The following KCNMB1 variants were observed in gnomAD, a reference collection of about 807,000 sequenced individuals.
The protein encoded by KCNMB1 is potassium calcium-activated channel subfamily M regulatory beta subunit 1.
In KCNMB1, 22 loss-of-function variants were observed where a neutral mutation model predicts 21.7. The ratio of observed to expected loss-of-function variants is 1.01; its 90% CI spans 0.72 to 1.45. The LOEUF is 1.45. Ranked by LOEUF, KCNMB1 falls within the 40% of genes most tolerant of loss-of-function variation. KCNMB1 has a pLI of 0.00. For missense variants in KCNMB1, 243 were observed against 243.4 expected, an observed-to-expected ratio of 1.00 and a Z score of 0.01; for synonymous variants, 114 against 107.6, an observed-to-expected ratio of 1.06 and a Z score of -0.37.
chr5:170,382,897 C>T (rs76888257), intron 3 of KCNMB1: 13,734 of 144,908 alleles, frequency 0.095, 702 homozygotes, highest in Admixed American at 0.14. Flanking sequence ...AGGAGGTGCT[C>T]AATGGCTGTT....
At chr5:170,387,254 G>A (rs139024861) in intron 1 of KCNMB1, among the ~76,000 whole-genome samples, 1 of 152,278 alleles carries the variant, frequency 6.6e-6, no homozygotes, top group African/African-American at 2.4e-5. Context: ...GGTCCCTAAA[G>A]TAATAAACAT....
At position 170,375,035 on chromosome 5, in the gene KCNMB1, T is replaced by C. The variant is rs1485980361; in HGVS notation, c.*3669A>G. The C allele has an allele frequency of 1.3e-5, 2 of 152,196 alleles. No homozygotes were observed. Among genetic ancestry groups the C allele is most frequent in the Non-Finnish European group, 2.9e-5 (2 of 68,038 alleles). The allele number at this position is 152,196 out of a possible 1,614,324, so 9.4% of individuals were successfully genotyped here. ...TGTGTATTTTAGTCCCAAATTCAGG[T>C]GCATGGAAACCATTGACAAAATAGA... On this transcript the variant is annotated 3_prime_UTR_variant, in exon 4 of 4. Transcript: ENST00000274629.
intron 2 of KCNMB1, among the ~76,000 whole-genome samples, chr5:170,384,608 A>AG (rs1764389820): frequency 6.6e-6 from 1 of 152,210 alleles, no homozygotes; most frequent in Non-Finnish European, 1.5e-5. Context: ...GCCAGTCAGA[A>AG]GGGGGCTGTC....
At position 170,375,822 on chromosome 5, in the gene KCNMB1, G is replaced by A. The variant is rs549018402; in HGVS notation, c.*2882C>T. On this transcript the variant is annotated 3_prime_UTR_variant, in exon 4 of 4. Transcript: ENST00000274629. ...AAATTTACATAAAAATTTGTTTCAT[G>A]CCAAAACTCTATGGAAAGATACTAT... is the stretch of plus-strand genomic sequence containing the variant. 1.3e-5 allele frequency: 2 copies of A among 152,326 alleles called. No homozygotes were observed. Among genetic ancestry groups the A allele is most frequent in the Non-Finnish European group, 2.9e-5 (2 of 68,032 alleles). 9.4% of individuals were successfully genotyped at this position (152,326 alleles called of 1,614,324 possible).
At position 170,378,143 on chromosome 5, in the gene KCNMB1, CAT is replaced by C. The variant is rs1327360530; in HGVS notation, c.*559_*560del. The C allele has an allele frequency of 6.6e-6, 1 of 152,298 alleles. No homozygotes were observed. The highest frequency in any genetic ancestry group is 1.5e-5 in the Non-Finnish European group (1 of 68,112). 9.4% of individuals were successfully genotyped at this position (152,298 alleles called of 1,614,324 possible). ...CACCGCTAAAATTTTGATGAGTTCT[CAT>C]GTGTTTCCTTGCAGCTGATTGTTGT... is the stretch of plus-strand genomic sequence containing the variant. On this transcript the variant is annotated 3_prime_UTR_variant, in exon 4 of 4. Transcript: ENST00000274629.
chr5:170,374,889 C>A lies in KCNMB1; in HGVS notation c.*3815G>T, dbSNP rs1304668969. The A allele has an allele frequency of 6.6e-6, 1 of 152,144 alleles. No individual in the cohort carries two copies. Among genetic ancestry groups the A allele is most frequent in the Admixed American group, 6.5e-5 (1 of 15,276 alleles). The allele number at this position is 152,144 out of a possible 1,614,324, so 9.4% of individuals were successfully genotyped here. On this transcript the variant is annotated 3_prime_UTR_variant, in exon 4 of 4. Transcript: ENST00000274629. ...ACAGGAGGAGAACATCTATCTCAAG[C>A]AAATGAAGGTCATCATTAATAATTT...
At chr5:170,388,496 G>A (rs1308082895) in intron 1 of KCNMB1, among the ~76,000 whole-genome samples, 1 of 152,230 alleles carries the variant, frequency 6.6e-6, no homozygotes, top group Non-Finnish European at 1.5e-5. Flanking sequence ...AAATATCTCT[G>A]AAGTTCCAGG....
At chr5:170,379,534 G>C (rs760347197) in intron 3 of KCNMB1, among the ~76,000 whole-genome samples, 2 of 152,178 alleles carry the variant, frequency 1.3e-5, no homozygotes, top group Non-Finnish European at 2.9e-5. Flanking sequence ...AGGAAGAATT[G>C]CCAGGGTGTG....
chr5:170,383,362 C>G, intron 3 of KCNMB1: 1 of 592,130 alleles, frequency 1.7e-6, no homozygotes, highest in South Asian at 2.0e-5. Context: ...AAGCGTGGCA[C>G]TTTATATACA....
In KCNMB1 at chr5:170,383,860, C is replaced by T. The variant is rs1268253581; in HGVS notation, c.135-10G>A. On this transcript the variant is annotated splice_polypyrimidine_tract_variant and intron_variant, in intron 2 of 3. Transcript: ENST00000274629. ...TTCCTGGGTCCACACGCTGAGGAGACCACACACATGCACACATACACATCT... is the reference window on the plus strand; with the variant it reads ...TTCCTGGGTCCACACGCTGAGGAGATCACACACATGCACACATACACATCT... 2.5e-6 allele frequency: 4 copies of T among 1,613,316 alleles called. No homozygotes were observed. The highest frequency in any genetic ancestry group is 1.7e-5 in the Admixed American group (1 of 59,930).
At position 170,375,268 on chromosome 5, in the gene KCNMB1, G is replaced by A. The variant is rs1763958257; in HGVS notation, c.*3436C>T. The A allele has an allele frequency of 6.6e-6, 1 of 152,164 alleles. No individual in the cohort carries two copies. Among genetic ancestry groups the A allele is most frequent in the South Asian group, 2.1e-4 (1 of 4,830 alleles). 9.4% of individuals were successfully genotyped at this position (152,164 alleles called of 1,614,324 possible). ...TATTACAATTAAGACTTTCTTAAAA[G>A]ACTCACATGAGGACCTTTGAGACTT... is the stretch of plus-strand genomic sequence containing the variant. On this transcript the variant is annotated 3_prime_UTR_variant, in exon 4 of 4. Coordinates refer to ENST00000274629, the MANE Select transcript of KCNMB1 (RefSeq NM_004137.4).
At position 170,389,306 on chromosome 5, in the gene KCNMB1, T is replaced by G. The variant is rs1663532953; in HGVS notation, c.-72A>C. 2 of 152,200 alleles carry G rather than the reference T, an allele frequency of 1.3e-5. No individual in the cohort carries two copies. The highest frequency in any genetic ancestry group is 2.9e-5 in the Non-Finnish European group (2 of 68,082). The allele number at this position is 152,200 out of a possible 1,614,324, so 9.4% of individuals were successfully genotyped here. The stretch of plus-strand genomic sequence containing the variant: ...TCTTGAGCAGCAGACAGTTTCTTTC[T>G]GCCTGGACCCCCGCCCCCACCCCAA... On this transcript the variant is annotated 5_prime_UTR_variant, in exon 1 of 4. Coordinates refer to ENST00000274629, the MANE Select transcript of KCNMB1 (RefSeq NM_004137.4).
chr5:170,385,525 A>G, intron 1 of KCNMB1, 54 bp from the exon 2 acceptor site: 1 of 1,531,908 alleles, frequency 6.5e-7, no homozygotes, highest in Non-Finnish European at 9.0e-7. Flanking sequence ...CAGGTGATCC[A>G]CAGAAAGAGA....
chr5:170,384,910 G>T (rs993792512), intron 2 of KCNMB1, among the ~76,000 whole-genome samples: 8 of 152,192 alleles, frequency 5.3e-5, no homozygotes, highest in Non-Finnish European at 1.2e-4. Flanking sequence ...TATTCATCAG[G>T]AGGCTGGATG....
chr5:170,386,503 T>C (rs1581137203), intron 1 of KCNMB1, among the ~76,000 whole-genome samples: 1 of 152,190 alleles, frequency 6.6e-6, no homozygotes, highest in Admixed American at 6.5e-5. Flanking sequence ...GAGCAGTACA[T>C]GTGCATCATC....
chr5:170,381,320 G>A (rs1764229959), intron 3 of KCNMB1, among the ~76,000 whole-genome samples: 1 of 152,200 alleles, frequency 6.6e-6, no homozygotes, highest in African/African-American at 2.4e-5. Context: ...GCAGTGTAAG[G>A]TCCCCAGGAC....
rs1273500830 is a variant in KCNMB1, at chr5:170,375,826, A to G, written c.*2878T>C. On this transcript the variant is annotated 3_prime_UTR_variant, in exon 4 of 4. Coordinates refer to ENST00000274629, the MANE Select transcript of KCNMB1 (RefSeq NM_004137.4). ...TTACATAAAAATTTGTTTCATGCCA[A>G]AACTCTATGGAAAGATACTATTATC... is the stretch of plus-strand genomic sequence containing the variant. The G allele has an allele frequency of 1.3e-5, 2 of 152,246 alleles. No individual in the cohort carries two copies. The highest frequency in any genetic ancestry group is 2.9e-5 in the Non-Finnish European group (2 of 68,036). 9.4% of individuals were successfully genotyped at this position (152,246 alleles called of 1,614,324 possible).
At chr5:170,385,148 T>C (rs1010341250) in intron 2 of KCNMB1, among the ~76,000 whole-genome samples, 166 bp downstream of exon 2, 1 of 152,208 alleles carries the variant, frequency 6.6e-6, no homozygotes, top group African/African-American at 2.4e-5. Context: ...CAGTTCATCC[T>C]ACCTTCCCTG....
chr5:170,379,833 T>G (rs548025755), intron 3 of KCNMB1, among the ~76,000 whole-genome samples: 1 of 151,876 alleles, frequency 6.6e-6, no homozygotes, highest in South Asian at 2.1e-4. Flanking sequence ...GTACCTGTAG[T>G]CCCAGCTACA....
Sources: allele counts gnomAD v4.1 joint callset (sites outside exome capture counted in the v4.1 genomes callset), GRCh38; gene constraint gnomAD v4.1.1; transcripts MANE v1.5; gene names NCBI Gene and HGNC (gene_info 2026-07-23, HGNC 2026-07-21).